PRKCE: variants seen among roughly 807,000 people sequenced by gnomAD.
The protein encoded by PRKCE is protein kinase C epsilon type.
Under a neutral mutation model 85.4 loss-of-function variants are expected in PRKCE, and 16 were observed. The observed-to-expected ratio is 0.19, with a 90% CI of 0.13 to 0.28. The LOEUF is 0.28. PRKCE is among the 10% of genes least tolerant of loss of function. The pLI is 1.00. For missense variants in PRKCE, 573 were observed against 975.2 expected (o/e 0.59, Z 5.49); for synonymous variants, 388 against 371.5 (o/e 1.04, Z -0.51).
intron 1 of PRKCE, among the ~76,000 whole-genome samples, chr2:45,825,061 G>T (rs971231876): frequency 6.6e-6 from 1 of 152,188 alleles, no homozygotes; most frequent in Non-Finnish European, 1.5e-5. Flanking sequence ...TTAGATTTCA[G>T]CAAATTTGCC....
intron 1 of PRKCE, among the ~76,000 whole-genome samples, chr2:45,811,914 C>T (rs1381700176): frequency 6.6e-6 from 1 of 152,200 alleles, no homozygotes; most frequent in Non-Finnish European, 1.5e-5. Context: ...TGCGTACACA[C>T]AGACACACAC....
chr2:46,003,308 G>A (rs1467482229), intron 7 of PRKCE, among the ~76,000 whole-genome samples: 9 of 152,318 alleles, frequency 5.9e-5, no homozygotes, highest in Non-Finnish European at 1.2e-4. Context: ...GGTAGACCAA[G>A]AGTTAGTACT....
intron 2 of PRKCE, among the ~76,000 whole-genome samples, chr2:45,967,182 G>A (rs1701788424): frequency 6.6e-6 from 1 of 152,190 alleles, no homozygotes; most frequent in Non-Finnish European, 1.5e-5. Flanking sequence ...GTAGTCCTCA[G>A]ATGTGGAGCG....
chr2:45,794,047 T>G (rs370841482), intron 1 of PRKCE, among the ~76,000 whole-genome samples: 120 of 152,294 alleles, frequency 7.9e-4, no homozygotes, highest in Middle Eastern at 3.4e-3. Context: ...CTTGCCTTAT[T>G]ATCGTGGGGC....
chr2:45,691,607 C>T (rs148325717), intron 1 of PRKCE, among the ~76,000 whole-genome samples: 1 of 152,330 alleles, frequency 6.6e-6, no homozygotes, highest in East Asian at 1.9e-4. Flanking sequence ...GCATCAGTAT[C>T]AATATTGGCA....
intron 1 of PRKCE, among the ~76,000 whole-genome samples, chr2:45,836,091 T>C (rs1690853039): frequency 6.6e-6 from 1 of 152,200 alleles, no homozygotes; most frequent in African/African-American, 2.4e-5. Context: ...ATCCAGTTTT[T>C]TAATATATTG....
intron 1 of PRKCE, among the ~76,000 whole-genome samples, chr2:45,700,331 G>A (rs1055333464): frequency 6.6e-6 from 1 of 152,042 alleles, no homozygotes; most frequent in Admixed American, 6.6e-5. Context: ...AGGGCAGTGA[G>A]GGAGACATAG....
chr2:46,170,492 A>C (rs951012), intron 14 of PRKCE, among the ~76,000 whole-genome samples: 98,673 of 152,142 alleles, frequency 0.65, 33,199 homozygotes, highest in East Asian at 0.95. Context: ...CAAGGGAGAG[A>C]GTTACATCTG....
intron 2 of PRKCE, among the ~76,000 whole-genome samples, chr2:45,947,738 T>C (rs1700339197): frequency 6.6e-6 from 1 of 152,238 alleles, no homozygotes; most frequent in East Asian, 1.9e-4. Context: ...GATAGGCACT[T>C]AGGCTTCCAG....
intron 1 of PRKCE, among the ~76,000 whole-genome samples, chr2:45,788,081 G>C (rs1686752248): frequency 6.6e-6 from 1 of 152,110 alleles, no homozygotes; most frequent in South Asian, 2.1e-4. Flanking sequence ...ACTCTGAGAG[G>C]GACAGGATTT....
chr2:46,132,834 C>T (rs750973900), intron 11 of PRKCE, among the ~76,000 whole-genome samples: 1 of 152,230 alleles, frequency 6.6e-6, no homozygotes, highest in Non-Finnish European at 1.5e-5. Flanking sequence ...AATCTGTTTT[C>T]TGTCCCTTCA....
chr2:46,151,379 C>T lies in PRKCE; in HGVS notation c.1920+150C>T, dbSNP rs749811476. On this transcript the variant is annotated intron_variant, in intron 13 of 14. Coordinates refer to ENST00000306156, the MANE Select transcript of PRKCE (RefSeq NM_005400.3). ...TCCCTCCCACCTCTGCTCATCACCACGGAATGGGAAGGATTAAGGGCAGTT... is the reference window on the plus strand; with the variant it reads ...TCCCTCCCACCTCTGCTCATCACCATGGAATGGGAAGGATTAAGGGCAGTT... 1.7e-5 allele frequency: 15 copies of T among 864,162 alleles called. 1 individual carries two copies. Among genetic ancestry groups the T allele is most frequent in the South Asian group, 7.5e-5 (4 of 53,034 alleles). 53.5% of individuals were successfully genotyped at this position (864,162 alleles called of 1,614,324 possible). A position where few individuals can be genotyped will look rare whatever the true frequency, so the allele number is the denominator to read the frequency against.
At chr2:45,875,727 A>G (rs908018990) in intron 2 of PRKCE, among the ~76,000 whole-genome samples, 7 of 152,210 alleles carry the variant, frequency 4.6e-5, no homozygotes, top group Admixed American at 2.6e-4. Flanking sequence ...CATCCCTGGA[A>G]GTGTTCACAC....
At chr2:45,795,209 C>A (rs889041408) in intron 1 of PRKCE, among the ~76,000 whole-genome samples, 14 of 152,208 alleles carry the variant, frequency 9.2e-5, no homozygotes, top group African/African-American at 3.4e-4. Context: ...GTGACCAGAC[C>A]TTCCACCTAG....
intron 1 of PRKCE, among the ~76,000 whole-genome samples, chr2:45,658,733 A>C (rs1211628175): frequency 6.6e-6 from 1 of 152,230 alleles, no homozygotes; most frequent in Non-Finnish European, 1.5e-5. Flanking sequence ...GTGTGTTCAT[A>C]GTTTTAGAAT....
At chr2:45,952,761 A>G (rs1273930941) in intron 2 of PRKCE, among the ~76,000 whole-genome samples, 1 of 152,234 alleles carries the variant, frequency 6.6e-6, no homozygotes. Context: ...GCAGCTTTCC[A>G]GGAACACAAC....
intron 2 of PRKCE, among the ~76,000 whole-genome samples, chr2:45,939,414 C>A (rs1699717269): frequency 6.6e-6 from 1 of 152,186 alleles, no homozygotes; most frequent in Non-Finnish European, 1.5e-5. Flanking sequence ...GCTCTTTCAT[C>A]ATTTCATACC....
chr2:46,043,691 G>A (rs1032537457), intron 10 of PRKCE, among the ~76,000 whole-genome samples: 1 of 152,204 alleles, frequency 6.6e-6, no homozygotes, highest in Non-Finnish European at 1.5e-5. Flanking sequence ...ATCAGAGAAA[G>A]TAAGGTGAAA....
chr2:46,146,898 G>A (rs1210790782), intron 12 of PRKCE, among the ~76,000 whole-genome samples: 1 of 152,250 alleles, frequency 6.6e-6, no homozygotes, highest in Non-Finnish European at 1.5e-5. Flanking sequence ...TAAAGACCCA[G>A]TGAATGTGGC....
Sources: allele counts gnomAD v4.1 joint callset (sites outside exome capture counted in the v4.1 genomes callset), GRCh38; gene constraint gnomAD v4.1.1; transcripts MANE v1.5; gene names NCBI Gene and HGNC (gene_info 2026-07-23, HGNC 2026-07-21).